FBXL7: variants seen among roughly 807,000 people sequenced by gnomAD.
The protein encoded by FBXL7 is F-box/LRR-repeat protein 7.
A neutral mutation model predicts 38.3 loss-of-function variants in FBXL7; 12 were observed. That is an observed-to-expected ratio of 0.31 (90% CI 0.20 to 0.51). FBXL7 has a LOEUF of 0.51. Ranked by LOEUF, FBXL7 falls within the 20% of genes least tolerant of loss-of-function variation. The pLI, the probability that FBXL7 is intolerant of heterozygous loss-of-function variation, is 0.98. For synonymous variants in FBXL7, 297 were observed against 300.9 expected, an observed-to-expected ratio of 0.99 and a Z score of 0.13; for missense variants, 567 against 676.4, an observed-to-expected ratio of 0.84 and a Z score of 1.79.
At chr5:15,656,704 A>T (rs1195265627) in intron 2 of FBXL7, among the ~76,000 whole-genome samples, 1 of 152,132 alleles carries the variant, frequency 6.6e-6, no homozygotes, top group Non-Finnish European at 1.5e-5. Context: ...AGGTTGTTAT[A>T]ATAAAGACAA....
intron 1 of FBXL7, among the ~76,000 whole-genome samples, chr5:15,518,179 C>T (rs961666475): frequency 4.6e-5 from 7 of 151,972 alleles, no homozygotes; most frequent in African/African-American, 1.5e-4. Flanking sequence ...TTAGTAGAGA[C>T]AGGGTTTCAC....
In FBXL7 at chr5:15,906,512, AATT is replaced by A. The variant is rs1307094454; in HGVS notation, c.128-21377_128-21375del. Among the ~76,000 whole-genome samples the A allele has an allele frequency of 9.8e-4, 143 of 146,126 alleles. 4 individuals carry two copies. Among genetic ancestry groups the A allele is most frequent in the African/African-American group, 3.7e-3 (140 of 37,590 alleles). On this transcript the variant is annotated intron_variant, in intron 2 of 3. Coordinates refer to ENST00000504595, the MANE Select transcript of FBXL7 (RefSeq NM_012304.5). ...TTTTAGTTGTTCAGGATCCACAAAA[AATT>A]TTTTTTTTTTTTTATTATACTCTAA...
chr5:15,554,370 T>C (rs1224273129), intron 1 of FBXL7, among the ~76,000 whole-genome samples: 1 of 152,176 alleles, frequency 6.6e-6, no homozygotes, highest in Non-Finnish European at 1.5e-5. Context: ...CCAGTAAAAC[T>C]TGTGCTTCGA....
intron 2 of FBXL7, among the ~76,000 whole-genome samples, chr5:15,815,436 C>A (rs1427766075): frequency 1.3e-5 from 2 of 152,128 alleles, no homozygotes; most frequent in East Asian, 3.9e-4. Flanking sequence ...GCAACTTTTC[C>A]TAAACTATTG....
chr5:15,687,840 T>C (rs1479172501), intron 2 of FBXL7, among the ~76,000 whole-genome samples: 1 of 152,210 alleles, frequency 6.6e-6, no homozygotes, highest in African/African-American at 2.4e-5. Context: ...TGAATATGTA[T>C]TAAATTTTCC....
At chr5:15,753,941 G>A (rs550524834) in intron 2 of FBXL7, among the ~76,000 whole-genome samples, 5 of 152,276 alleles carry the variant, frequency 3.3e-5, no homozygotes, top group East Asian at 1.9e-4. Flanking sequence ...GCAACTGGGC[G>A]TGGGGCCATA....
chr5:15,834,104 A>G (rs1738526645), intron 2 of FBXL7, among the ~76,000 whole-genome samples: 1 of 152,180 alleles, frequency 6.6e-6, no homozygotes, highest in South Asian at 2.1e-4. Context: ...TTCCAGAAAA[A>G]TGCTTACCAG....
chr5:15,779,314 T>G (rs923373074), intron 2 of FBXL7, among the ~76,000 whole-genome samples: 8 of 152,220 alleles, frequency 5.3e-5, no homozygotes, highest in South Asian at 2.1e-4. Flanking sequence ...TATAATTTAT[T>G]ATATATTTCA....
intron 2 of FBXL7, among the ~76,000 whole-genome samples, chr5:15,731,955 A>G (rs1294038564): frequency 6.6e-6 from 1 of 152,168 alleles, no homozygotes; most frequent in Admixed American, 6.5e-5. Flanking sequence ...AGGACTGAAC[A>G]AAGTTATCTC....
chr5:15,860,336 A>G (rs1294213204), intron 2 of FBXL7, among the ~76,000 whole-genome samples: 2 of 152,226 alleles, frequency 1.3e-5, no homozygotes, highest in South Asian at 4.1e-4. Context: ...TATTATTTCC[A>G]GAACTCTTCA....
chr5:15,788,399 A>G (rs1398356289), intron 2 of FBXL7, among the ~76,000 whole-genome samples: 3 of 152,206 alleles, frequency 2.0e-5, no homozygotes, highest in African/African-American at 7.2e-5. Flanking sequence ...TGCAGTGCCC[A>G]TGAATGATGT....
chr5:15,688,726 G>T (rs1471657407), intron 2 of FBXL7, among the ~76,000 whole-genome samples: 1 of 152,186 alleles, frequency 6.6e-6, no homozygotes, highest in Non-Finnish European at 1.5e-5. Flanking sequence ...GTGTCCCCAA[G>T]GCTGAAGGTT....
intron 1 of FBXL7, among the ~76,000 whole-genome samples, chr5:15,510,407 T>C (rs370545769): frequency 1.3e-5 from 2 of 152,312 alleles, no homozygotes; most frequent in Admixed American, 6.5e-5. Context: ...ATATGTGAAG[T>C]TGAACCTTTT....
Position 15,817,312 on chromosome 5 carries a change from T to A in FBXL7, c.128-110578T>A, listed in dbSNP as rs543496378. Among the ~76,000 whole-genome samples, 413 of 151,554 alleles carry A rather than the reference T, an allele frequency of 2.7e-3. 1 individual carries two copies. The highest frequency in any genetic ancestry group is 0.021 in the Middle Eastern group (6 of 290). On this transcript the variant is annotated intron_variant, in intron 2 of 3. Transcript: ENST00000504595. Reference sequence around the variant, plus strand: ...GACTTTTGCTAACTTTTTTTTTTTTTAAAAAAGGCAATGATATTTCACTTA... The same window carrying A: ...GACTTTTGCTAACTTTTTTTTTTTTAAAAAAAGGCAATGATATTTCACTTA...
rs568078552 is a variant in FBXL7 at position 15,836,990 on chromosome 5, G to A, written c.128-90900G>A. Among the ~76,000 whole-genome samples the A allele has an allele frequency of 3.9e-5, 6 of 152,304 alleles. No homozygotes were observed. The South Asian group carries it at 1.2e-3, about 32-fold the overall frequency. ...AAGCAGTGAAGCATCCAGACTTTGT[G>A]TTTTTAGTCCCCTCCCTCGTGTCCA... On this transcript the variant is annotated intron_variant, in intron 2 of 3. Coordinates refer to ENST00000504595, the MANE Select transcript of FBXL7 (RefSeq NM_012304.5).
chr5:15,754,369 T>C (rs1014920911), intron 2 of FBXL7, among the ~76,000 whole-genome samples: 1 of 152,152 alleles, frequency 6.6e-6, no homozygotes, highest in Non-Finnish European at 1.5e-5. Context: ...ATATTAGCAG[T>C]ATCTCTGAGT....
intron 1 of FBXL7, chr5:15,580,700 G>T: frequency 1.0e-6 from 1 of 985,438 alleles, no homozygotes. Flanking sequence ...TGCTGAAGGT[G>T]CCAGAACAGG....
At chr5:15,621,281 C>T (rs1740631780) in intron 2 of FBXL7, among the ~76,000 whole-genome samples, 1 of 152,172 alleles carries the variant, frequency 6.6e-6, no homozygotes, top group Non-Finnish European at 1.5e-5. Flanking sequence ...TTTCCTGACA[C>T]TGTAGGGGGG....
intron 1 of FBXL7, among the ~76,000 whole-genome samples, chr5:15,609,422 T>A (rs1445024009): frequency 6.6e-6 from 1 of 152,248 alleles, no homozygotes; most frequent in African/African-American, 2.4e-5. Context: ...GCTTAGTTAT[T>A]GCTGGTGTCT....
Sources: allele counts gnomAD v4.1 joint callset (sites outside exome capture counted in the v4.1 genomes callset), GRCh38; gene constraint gnomAD v4.1.1; transcripts MANE v1.5; gene names NCBI Gene and HGNC (gene_info 2026-07-23, HGNC 2026-07-21).